The following WNK2 variants were observed in gnomAD, a reference collection of about 807,000 sequenced individuals.
WNK2 encodes WNK lysine deficient protein kinase 2.
Under a neutral mutation model 192.1 loss-of-function variants are expected in WNK2, and 67 were observed. That is an observed-to-expected ratio of 0.35 (90% CI 0.29 to 0.43). The LOEUF (loss-of-function observed/expected upper bound fraction) is 0.43. WNK2 is among the 20% of genes least tolerant of loss of function. The pLI, the probability that WNK2 is intolerant of heterozygous loss-of-function variation, is 1.00. For synonymous variants in WNK2, 1,439 were observed against 1,393.9 expected, an observed-to-expected ratio of 1.03 and a Z score of -0.72; for missense variants, 2,698 against 3,089.7, an observed-to-expected ratio of 0.87 and a Z score of 3.01.
At chr9:93,306,634 C>A in intron 26 of WNK2, 143 bp from the exon 27 acceptor site, 2 of 1,050,846 alleles carry the variant, frequency 1.9e-6, no homozygotes, top group Non-Finnish European at 1.5e-6. Flanking sequence ...TTTCCCCCGG[C>A]CGGGTCGGCC....
intron 23 of WNK2, among the ~76,000 whole-genome samples, chr9:93,295,221 G>C (rs1850043341): frequency 6.6e-6 from 1 of 152,130 alleles, no homozygotes; most frequent in African/African-American, 2.4e-5. Context: ...GGACCATGTG[G>C]GTGCGGCCTC....
At chr9:93,192,003 G>A (rs1190603467) in intron 2 of WNK2, among the ~76,000 whole-genome samples, 3 of 150,850 alleles carry the variant, frequency 2.0e-5, no homozygotes, top group Admixed American at 6.6e-5. Flanking sequence ...CCAACCTGGC[G>A]ACAGAGCAAG....
intron 22 of WNK2, 34 bp from the exon 23 acceptor site, chr9:93,292,457 C>T: frequency 6.2e-7 from 1 of 1,612,382 alleles, no homozygotes; most frequent in Non-Finnish European, 8.5e-7. Flanking sequence ...CTGATGTTCA[C>T]ATGAAACCTC....
intron 2 of WNK2, among the ~76,000 whole-genome samples, chr9:93,226,681 G>T (rs564770857): frequency 6.6e-6 from 1 of 152,288 alleles, no homozygotes; most frequent in South Asian, 2.1e-4. Flanking sequence ...CCAGATATTA[G>T]TCTGCCTTTT....
At chr9:93,218,435 C>T (rs73651379) in intron 2 of WNK2, among the ~76,000 whole-genome samples, 10,556 of 152,250 alleles carry the variant, frequency 0.069, 564 homozygotes, top group African/African-American at 0.15. Context: ...GGCCTGTGCC[C>T]GCCGGGCTCC....
At position 93,308,469 on chromosome 9, in the gene WNK2, G is replaced by A. The variant is rs746743228; in HGVS notation, c.6401G>A (p.Ser2134Asn). Residue 2134 changes from serine (S) to asparagine (N), a missense_variant, in exon 28 of 30, where the codon AGC becomes AAC. Physicochemically the swap from Ser to Asn is conservative, Grantham distance 46 (BLOSUM62 1). This residue lies in a region of WNK2 where 167 missense variants were observed against 184.2 expected (regional missense o/e 0.91). Transcript: ENST00000427277. ...DLHKLVDEWT[S>N]KTVGAAQLKP... Reference sequence around the variant, plus strand: ...CACAAGCTGGTGGACGAGTGGACGAGCAAGACGGTGGGGGCCGCGCAGCTG... The same window carrying A: ...CACAAGCTGGTGGACGAGTGGACGAACAAGACGGTGGGGGCCGCGCAGCTG... The A allele has an allele frequency of 6.2e-7, 1 of 1,610,194 alleles. No individual in the cohort carries two copies. The highest frequency in any genetic ancestry group is 8.5e-7 in the Non-Finnish European group (1 of 1,178,706).
chr9:93,318,523 AGACATGCCCCCCAT>A lies in WNK2; in HGVS notation c.6628+894_6628+907del. 2.5e-6 allele frequency: 4 copies of A among 1,614,132 alleles called. No individual in the cohort carries two copies. The South Asian group carries it at 4.4e-5, about 18-fold the overall frequency. ...ATCCGCCAGAAAACGTTAGGTGAGC[AGACATGCCCCCCAT>A]GCCAGTGGGCTGCTGTGAGTGAGGA... On this transcript the variant is annotated intron_variant, in intron 29 of 29. Coordinates refer to ENST00000427277, the MANE Select transcript of WNK2 (RefSeq NM_006648.4).
At chr9:93,253,105 C>CCCCCTT (rs759864062) in intron 9 of WNK2, 23 bp downstream of exon 9, 1 of 1,378,206 alleles carries the variant, frequency 7.3e-7, no homozygotes, top group South Asian at 1.7e-5. Context: ...ATCACTCCCA[C>CCCCCTT]CCCCTTCCCC....
Position 93,229,918 on chromosome 9 carries a change from G to T in WNK2, c.854+50G>T, listed in dbSNP as rs1376033494. ...GGGCGGGTCCTGGCATGGGTGCAGG[G>T]CTACCATAGCTGAGGGTGAGGTCTT... On this transcript the variant is annotated intron_variant, in intron 3 of 29. Coordinates refer to ENST00000427277, the MANE Select transcript of WNK2 (RefSeq NM_006648.4). This position sits in a 1 kb window ranked among gnomAD's most constrained non-coding sequence, Gnocchi z 4.9. The T allele has an allele frequency of 6.3e-6, 10 of 1,586,734 alleles. No homozygotes were observed. Among genetic ancestry groups the T allele is most frequent in the South Asian group, 4.5e-5 (4 of 88,536 alleles).
At position 93,308,481 on chromosome 9, in the gene WNK2, G is replaced by T; in HGVS notation, c.6413G>T (p.Gly2138Val). 6.2e-7 allele frequency: 1 copy of T among 1,609,234 alleles called. No individual in the cohort carries two copies. Reference sequence around the variant, plus strand: ...GACGAGTGGACGAGCAAGACGGTGGGGGCCGCGCAGCTGAAGCCCACGCTC... The same window carrying T: ...GACGAGTGGACGAGCAAGACGGTGGTGGCCGCGCAGCTGAAGCCCACGCTC... ...LVDEWTSKTV[G>V]AAQLKPTLNQ... Residue 2138 changes from glycine to valine, a missense_variant, in exon 28 of 30, where the codon GGG becomes GTG. By Grantham distance (109) the Gly-to-Val change is moderately radical. Transcript: ENST00000427277.
In WNK2 at chr9:93,259,203, C is replaced by T. The variant is rs1385892374; in HGVS notation, c.2655C>T (p.Pro885=). Reference sequence around the variant, plus strand: ...TGCCAAATGCACCGGCCACTATCCCCCTGCTGGCCGTAGCCCCACCGGGCG... The same window carrying T: ...TGCCAAATGCACCGGCCACTATCCCTCTGCTGGCCGTAGCCCCACCGGGCG... ...TIVPNAPATI[P]LLAVAPPGVA... The change falls in exon 12 of 30, where the codon CCC becomes CCT. Residue 885 remains proline (P), a synonymous_variant. Transcript: ENST00000427277. This position sits in a 1 kb window ranked among gnomAD's most constrained non-coding sequence, Gnocchi z 4.8. 1.2e-6 allele frequency: 2 copies of T among 1,613,106 alleles called. No individual in the cohort carries two copies. The highest frequency in any genetic ancestry group is 1.7e-6 in the Non-Finnish European group (2 of 1,179,768).
intron 2 of WNK2, among the ~76,000 whole-genome samples, chr9:93,208,502 TCTC>T (rs1833798859): frequency 6.6e-6 from 1 of 152,212 alleles, no homozygotes; most frequent in African/African-American, 2.4e-5. Context: ...GCATGTGTGT[TCTC>T]CACGTGTACA....
At position 93,284,132 on chromosome 9, in the gene WNK2, C is replaced by T. The variant is rs1588428178; in HGVS notation, c.4034-4656C>T. 2.0e-5 allele frequency among the ~76,000 whole-genome samples: 3 copies of T among 152,218 alleles called. No homozygotes were observed. In the East Asian group the frequency reaches 5.8e-4, roughly 29 times the overall value. ...AAAAGTTTCAGCTTGATGGCTTTAC[C>T]ACAGATACTTAAGTGAGAAATAATT... On this transcript the variant is annotated intron_variant, in intron 19 of 29. Transcript: ENST00000427277.
chr9:93,288,343 C>T lies in WNK2; in HGVS notation c.4034-445C>T, dbSNP rs540189239. ...GCATGGAAGTGTGTACAGCTCACTA[C>T]TTAAACTCTTTAATTTTGAAATTTC... On this transcript the variant is annotated intron_variant, in intron 19 of 29. Transcript: ENST00000427277. Among the ~76,000 whole-genome samples the T allele has an allele frequency of 2.3e-3, 345 of 151,416 alleles. 1 individual carries two copies. Among genetic ancestry groups the T allele is most frequent in the Non-Finnish European group, 2.0e-3 (137 of 67,744 alleles).
chr9:93,284,059 G>T (rs1848098029), intron 19 of WNK2, among the ~76,000 whole-genome samples: 1 of 152,216 alleles, frequency 6.6e-6, no homozygotes, highest in East Asian at 1.9e-4. Flanking sequence ...CTCAGTGAGT[G>T]TCAACACACA....
chr9:93,286,550 G>A (rs1372474142), intron 19 of WNK2, among the ~76,000 whole-genome samples: 1 of 152,220 alleles, frequency 6.6e-6, no homozygotes, highest in African/African-American at 2.4e-5. Flanking sequence ...GGGGACCTTT[G>A]TGCAGTGTGG....
chr9:93,282,260 G>A (rs1302135681), intron 19 of WNK2, among the ~76,000 whole-genome samples: 3 of 149,488 alleles, frequency 2.0e-5, no homozygotes, highest in Non-Finnish European at 4.4e-5. Context: ...TAACCCCTGT[G>A]AGACTCGTAG....
intron 19 of WNK2, among the ~76,000 whole-genome samples, chr9:93,269,474 A>G (rs1371891964): frequency 6.6e-6 from 1 of 152,212 alleles, no homozygotes. Context: ...ATTCGTTCCC[A>G]TGGGGGACAG....
Position 93,263,943 on chromosome 9 carries a change from G to A in WNK2, c.3606G>A (p.Val1202=). Residue 1202 remains valine (V), a synonymous_variant, in exon 16 of 30, where the codon GTG becomes GTA. Transcript: ENST00000427277. ...TGTGCAACACTGGGGACAAGATGGT[G>A]GAGTGCCAGCTGGAGACGCACAACC... ...LNVCNTGDKM[V]ECQLETHNHK... 1 of 1,613,310 alleles carries A rather than the reference G, an allele frequency of 6.2e-7. No individual in the cohort carries two copies. The highest frequency in any genetic ancestry group is 1.1e-5 in the South Asian group (1 of 91,042).
Sources: gnomAD v4.1 joint callset for allele counts (sites outside exome capture counted in the v4.1 genomes callset) on GRCh38, gnomAD v4.1.1 for gene constraint, gnomAD v4.1.1 regional missense constraint, Gnocchi (gnomAD v3.1) non-coding constraint, MANE v1.5 for transcripts, NCBI Gene and HGNC (gene_info 2026-07-23, HGNC 2026-07-21) for gene names.